CCDC13: variants seen among roughly 807,000 people sequenced by gnomAD.
CCDC13 encodes coiled-coil domain containing 13.
In CCDC13, 70 loss-of-function variants were observed where a neutral mutation model predicts 87.3. That is an observed-to-expected ratio of 0.80 (90% CI 0.66 to 0.98). The LOEUF (loss-of-function observed/expected upper bound fraction) is 0.98. Ranked by LOEUF, CCDC13 falls within the 50% of genes least tolerant of loss-of-function variation. The pLI is 0.00. For missense variants in CCDC13, 842 were observed against 892.0 expected, an observed-to-expected ratio of 0.94 and a Z score of 0.71; for synonymous variants, 317 against 360.3, an observed-to-expected ratio of 0.88 and a Z score of 1.36.
At chr3:42,740,386 C>T (rs1291970674) in intron 8 of CCDC13, among the ~76,000 whole-genome samples, 1 of 152,164 alleles carries the variant, frequency 6.6e-6, no homozygotes, top group East Asian at 1.9e-4. Flanking sequence ...TCAATCATCC[C>T]TTCATTCTCG....
At chr3:42,705,206 C>T (rs920209106), downstream of CCDC13, among the ~76,000 whole-genome samples, 1 of 152,160 alleles carries the variant, frequency 6.6e-6, no homozygotes, top group African/African-American at 2.4e-5. Context: ...AGGCCGACTT[C>T]TTTGTGCTCA....
intron 13 of CCDC13, among the ~76,000 whole-genome samples, chr3:42,727,648 T>C (rs1011279384): frequency 2.6e-5 from 4 of 152,090 alleles, no homozygotes; most frequent in Admixed American, 6.5e-5. Context: ...AAGAGAAATA[T>C]TAGGAAACAG....
intron 8 of CCDC13, 66 bp downstream of exon 8, chr3:42,742,830 C>T (rs1699261978): frequency 1.3e-6 from 2 of 1,585,528 alleles, no homozygotes; most frequent in Non-Finnish European, 1.7e-6. Flanking sequence ...GCCTCAGAGC[C>T]CTTGCAGGCA....
chr3:42,737,171 T>C (rs1220586578), intron 9 of CCDC13, among the ~76,000 whole-genome samples: 2 of 152,174 alleles, frequency 1.3e-5, no homozygotes, highest in Non-Finnish European at 2.9e-5. Flanking sequence ...GTGTTTGGTT[T>C]TCTGTCCTTG....
intron 9 of CCDC13, among the ~76,000 whole-genome samples, chr3:42,737,839 A>C (rs1699080456): frequency 6.6e-6 from 1 of 152,118 alleles, no homozygotes; most frequent in Non-Finnish European, 1.5e-5. Context: ...GATTGCAAAA[A>C]TTTTATCCCA....
intron 9 of CCDC13, 101 bp downstream of exon 9, chr3:42,739,533 G>A: frequency 7.7e-7 from 1 of 1,290,928 alleles, no homozygotes; most frequent in South Asian, 1.4e-5. Context: ...TTACACAGGT[G>A]GCATTGAGGG....
chr3:42,723,158 T>C (rs879489738), intron 13 of CCDC13, among the ~76,000 whole-genome samples: 1 of 152,164 alleles, frequency 6.6e-6, no homozygotes, highest in South Asian at 2.1e-4. Flanking sequence ...GCCTGAATTC[T>C]TTCTTGCAGG....
chr3:42,772,806 A>T (rs1366749032), intron 1 of CCDC13, among the ~76,000 whole-genome samples: 1 of 152,178 alleles, frequency 6.6e-6, no homozygotes, highest in Non-Finnish European at 1.5e-5. Flanking sequence ...GTCGGGTCGC[A>T]TCTTTCAGTG....
chr3:42,719,936 C>T (rs1028390856), intron 13 of CCDC13, among the ~76,000 whole-genome samples: 1 of 152,012 alleles, frequency 6.6e-6, no homozygotes, highest in African/African-American at 2.4e-5. Flanking sequence ...GTTCCTGTGA[C>T]TTAAGTAATT....
Position 42,705,796 on chromosome 3 carries a change from G to A in CCDC13, c.*3184C>T, listed in dbSNP as rs1575259317. The stretch of plus-strand genomic sequence containing the variant: ...CTGGCTGTGCACCTGGCCCACCTAA[G>A]TTAGGTTTCTCAGGGTCCCTATCTT... On this transcript the variant is annotated 3_prime_UTR_variant, in exon 16 of 16. Transcript: ENST00000310232. Among the ~76,000 whole-genome samples the A allele has an allele frequency of 6.6e-6, 1 of 152,300 alleles. No individual in the cohort carries two copies. The highest frequency in any genetic ancestry group is 1.9e-4 in the East Asian group (1 of 5,166).
chr3:42,734,621 G>A (rs536251276), intron 10 of CCDC13, among the ~76,000 whole-genome samples: 6 of 152,358 alleles, frequency 3.9e-5, no homozygotes, highest in East Asian at 1.9e-4. Flanking sequence ...AGGCAGGGCC[G>A]AGGGGCTCTT....
chr3:42,726,840 C>T (rs1698700944), intron 13 of CCDC13, among the ~76,000 whole-genome samples: 1 of 151,790 alleles, frequency 6.6e-6, no homozygotes, highest in Admixed American at 6.6e-5. Flanking sequence ...ATACGTATCA[C>T]AGTGAAATTT....
intron 14 of CCDC13, 118 bp downstream of exon 14, chr3:42,713,044 T>C: frequency 1.7e-6 from 2 of 1,178,290 alleles, no homozygotes; most frequent in Non-Finnish European, 2.4e-6. Flanking sequence ...TCCACCCTGA[T>C]GGAAGCTCTG....
intron 5 of CCDC13, among the ~76,000 whole-genome samples, chr3:42,751,088 G>A (rs746120273): frequency 1.3e-5 from 2 of 152,192 alleles, no homozygotes; most frequent in African/African-American, 2.4e-5. Context: ...ACTGCACAGC[G>A]AGGACTGAAT....
At chr3:42,713,478 T>C (rs902571289) in intron 13 of CCDC13, among the ~76,000 whole-genome samples, 162 bp from the exon 14 acceptor site, 1 of 152,162 alleles carries the variant, frequency 6.6e-6, no homozygotes, top group African/African-American at 2.4e-5. Flanking sequence ...TTAAACACCA[T>C]ATGGTTCTCT....
intron 13 of CCDC13, among the ~76,000 whole-genome samples, chr3:42,724,337 C>T (rs1366525076): frequency 6.6e-6 from 1 of 152,230 alleles, no homozygotes; most frequent in Admixed American, 6.5e-5. Context: ...CTTTCTTCCT[C>T]ATCTTCAGCT....
chr3:42,730,138 T>C (rs1388449925), intron 13 of CCDC13, among the ~76,000 whole-genome samples: 2 of 152,150 alleles, frequency 1.3e-5, no homozygotes, highest in East Asian at 3.9e-4. Context: ...CCAAGCACAG[T>C]GCCAGGCTCA....
intron 1 of CCDC13, among the ~76,000 whole-genome samples, chr3:42,761,316 G>C (rs914751654): frequency 2.0e-5 from 3 of 152,090 alleles, no homozygotes; most frequent in African/African-American, 7.2e-5. Context: ...CCTTCCCCCA[G>C]ACATCTACCT....
At chr3:42,720,238 A>G (rs1559638978) in intron 13 of CCDC13, among the ~76,000 whole-genome samples, 1 of 152,204 alleles carries the variant, frequency 6.6e-6, no homozygotes, top group East Asian at 1.9e-4. Context: ...CTCGTCCTAA[A>G]GTAAAATGAC....
Sources: allele counts gnomAD v4.1 joint callset (sites outside exome capture counted in the v4.1 genomes callset), GRCh38; gene constraint gnomAD v4.1.1; transcripts MANE v1.5; gene names NCBI Gene and HGNC (gene_info 2026-07-23, HGNC 2026-07-21).